TLK2: variants seen among roughly 807,000 people sequenced by gnomAD.
TLK2 encodes the protein tousled like kinase 2.
TLK2 carries 6 observed loss-of-function variants against 117.3 expected under a neutral mutation model. That is an observed-to-expected ratio of 0.05 (90% CI 0.03 to 0.10). The LOEUF (loss-of-function observed/expected upper bound fraction) is 0.10. TLK2 is among the 10% of genes least tolerant of loss of function. The pLI, the probability that TLK2 is intolerant of heterozygous loss-of-function variation, is 1.00. For synonymous variants in TLK2, 257 were observed against 316.7 expected, an observed-to-expected ratio of 0.81 and a Z score of 2.00; for missense variants, 299 against 901.2, an observed-to-expected ratio of 0.33 and a Z score of 8.56.
intron 1 of TLK2, among the ~76,000 whole-genome samples, chr17:62,471,888 C>CTTTTGTTTTTTTTTT (rs2070946988): frequency 2.6e-5 from 1 of 37,776 alleles, no homozygotes; most frequent in Non-Finnish European, 4.4e-5. Context: ...GTAGTATAGT[C>CTTTTGTTTTTTTTTT]TTTTTTTTTT....
intron 13 of TLK2, among the ~76,000 whole-genome samples, chr17:62,577,055 C>T (rs1002319774): frequency 1.1e-4 from 16 of 151,290 alleles, no homozygotes; most frequent in African/African-American, 3.2e-4. Flanking sequence ...CTCCACCTCC[C>T]GGGCTCAAGC....
At chr17:62,580,314 T>G in intron 15 of TLK2, 122 bp downstream of exon 15, 4 of 626,836 alleles carry the variant, frequency 6.4e-6, no homozygotes, top group Non-Finnish European at 1.0e-5. Context: ...TCAAAAACTT[T>G]AAAAACCTGT....
At chr17:62,573,828 G>C (rs936291123) in intron 12 of TLK2, among the ~76,000 whole-genome samples, 6 of 152,134 alleles carry the variant, frequency 3.9e-5, no homozygotes, top group Non-Finnish European at 8.8e-5. Context: ...TGTTAGAAAA[G>C]GACATTGTCC....
intron 11 of TLK2, among the ~76,000 whole-genome samples, chr17:62,571,090 C>T (rs186167683): frequency 1.4e-3 from 210 of 152,226 alleles, no homozygotes; most frequent in African/African-American, 4.8e-3. Context: ...TAAATGTTTT[C>T]TCCAGAATAA....
intron 7 of TLK2, among the ~76,000 whole-genome samples, chr17:62,540,948 C>A (rs1480359666): frequency 1.3e-5 from 2 of 152,188 alleles, no homozygotes; most frequent in Non-Finnish European, 2.9e-5. Flanking sequence ...ATCTACCTTT[C>A]TCATCAGATT....
chr17:62,494,571 A>G (rs1567787569), intron 2 of TLK2, among the ~76,000 whole-genome samples: 2 of 152,040 alleles, frequency 1.3e-5, no homozygotes, highest in East Asian at 3.9e-4. Context: ...TTTTTGATAG[A>G]GAAGGGGTTT....
At chr17:62,471,873 A>C (rs1289391511) in intron 1 of TLK2, among the ~76,000 whole-genome samples, 3 of 121,260 alleles carry the variant, frequency 2.5e-5, no homozygotes, top group African/African-American at 6.0e-5. Context: ...GGCATGGAAG[A>C]TTAGGTAGTA....
intron 11 of TLK2, among the ~76,000 whole-genome samples, chr17:62,570,187 C>T (rs1598653485): frequency 6.6e-6 from 1 of 152,110 alleles, no homozygotes; most frequent in East Asian, 1.9e-4. Flanking sequence ...TCCTGAGGTA[C>T]TAACGACTTT....
chr17:62,471,994 C>G (rs1218424430), intron 1 of TLK2, among the ~76,000 whole-genome samples: 1 of 139,244 alleles, frequency 7.2e-6, no homozygotes, highest in Non-Finnish European at 1.5e-5. Context: ...CAAGTTCTGC[C>G]TCCTGGGTTC....
chr17:62,549,710 G>A (rs993644802), intron 7 of TLK2: 3 of 152,140 alleles, frequency 2.0e-5, no homozygotes, highest in East Asian at 3.9e-4. Context: ...GTGCAGTGGT[G>A]TGATCTCAGC....
chr17:62,517,662 G>A (rs1044974006), intron 2 of TLK2, among the ~76,000 whole-genome samples: 46 of 151,896 alleles, frequency 3.0e-4, no homozygotes, highest in Non-Finnish European at 5.9e-4. Flanking sequence ...GATTACAGGC[G>A]TGAGCCACCA....
At chr17:62,511,067 A>C (rs1275409599) in intron 2 of TLK2, among the ~76,000 whole-genome samples, 1 of 152,240 alleles carries the variant, frequency 6.6e-6, no homozygotes, top group East Asian at 1.9e-4. Flanking sequence ...GTATAATTCT[A>C]GTATGTTATT....
At position 62,613,936 on chromosome 17, in the gene TLK2, C is replaced by G. The variant is rs1483369484; in HGVS notation, c.*1371C>G. On this transcript the variant is annotated 3_prime_UTR_variant, in exon 22 of 22. Transcript: ENST00000346027. The stretch of plus-strand genomic sequence containing the variant: ...GTCGGGAGTTCGAGATCAGTCTGGT[C>G]AACATGGTGAAACGCCATCTCTACT... 6.6e-6 allele frequency: 1 copy of G among 152,058 alleles called. No homozygotes were observed. Among genetic ancestry groups the G allele is most frequent in the African/African-American group, 2.4e-5 (1 of 41,396 alleles). The allele number at this position is 152,058 out of a possible 1,614,324, so 9.4% of individuals were successfully genotyped here.
At chr17:62,473,901 T>TC (rs567867124), upstream of TLK2, among the ~76,000 whole-genome samples, 206 of 152,144 alleles carry the variant, frequency 1.4e-3, no homozygotes, top group African/African-American at 4.7e-3. Flanking sequence ...AGATTTTTTT[T>TC]CTTTTCTTTT....
intron 16 of TLK2, among the ~76,000 whole-genome samples, chr17:62,590,096 C>G (rs8068357): frequency 6.7e-6 from 1 of 148,538 alleles, no homozygotes; most frequent in African/African-American, 2.5e-5. Flanking sequence ...CATGAGCCAC[C>G]GTGCCCGGCC....
At chr17:62,503,892 T>TA (rs1386842293) in intron 2 of TLK2, among the ~76,000 whole-genome samples, 2 of 151,332 alleles carry the variant, frequency 1.3e-5, no homozygotes, top group Admixed American at 1.3e-4. Context: ...CCACCCCAGC[T>TA]AATTTTTTTT....
At chr17:62,483,579 C>G (rs1213781832) in intron 2 of TLK2, among the ~76,000 whole-genome samples, 1 of 151,584 alleles carries the variant, frequency 6.6e-6, no homozygotes, top group Non-Finnish European at 1.5e-5. Context: ...CTCGGCTCAC[C>G]TCAACCTCCA....
At chr17:62,551,028 G>A (rs942064590) in intron 7 of TLK2, 10 of 152,254 alleles carry the variant, frequency 6.6e-5, no homozygotes, top group African/African-American at 2.4e-4. Context: ...ATGTTGGCCA[G>A]GCTGGTCTCG....
At position 62,524,224 on chromosome 17, in the gene TLK2, CCT is replaced by C. The variant is rs1190394543; in HGVS notation, c.268-11_268-10del. 2.2e-5 allele frequency: 35 copies of C among 1,613,332 alleles called. No homozygotes were observed. Among genetic ancestry groups the C allele is most frequent in the Non-Finnish European group, 2.9e-5 (34 of 1,179,716 alleles). The stretch of plus-strand genomic sequence containing the variant: ...TTTGAATTATTCATATCGGTTTTTC[CCT>C]GTTGGCCAGTTTGCTGGGGGAAGCG... On this transcript the variant is annotated splice_polypyrimidine_tract_variant and intron_variant, in intron 5 of 21. Transcript: ENST00000346027.
Sources: allele counts gnomAD v4.1 joint callset (sites outside exome capture counted in the v4.1 genomes callset), GRCh38; gene constraint gnomAD v4.1.1; transcripts MANE v1.5; gene names NCBI Gene and HGNC (gene_info 2026-07-23, HGNC 2026-07-21).